The following NUP58 variants were observed in gnomAD, a reference collection of about 807,000 sequenced individuals.
The protein encoded by NUP58 is nucleoporin 58, also known as nucleoporin p58/p45.
NUP58 carries 17 observed loss-of-function variants against 70.1 expected under a neutral mutation model. The observed-to-expected ratio is 0.24, with a 90% confidence interval of 0.17 to 0.36. The LOEUF is 0.36. Ranked by LOEUF, NUP58 falls within the 10% of genes least tolerant of loss-of-function variation. NUP58 has a pLI of 1.00. For synonymous variants in NUP58, 275 were observed against 257.6 expected (o/e 1.07, Z -0.65); for missense variants, 644 against 701.5 (o/e 0.92, Z 0.93).
intron 13 of NUP58, chr13:25,332,007 C>G: frequency 9.9e-7 from 1 of 1,014,316 alleles, no homozygotes; most frequent in Non-Finnish European, 1.2e-6. Context: ...TACCCACATT[C>G]AGGATGAAGT....
chr13:25,302,694 G>A (rs1448728335), intron 1 of NUP58, among the ~76,000 whole-genome samples: 1 of 152,122 alleles, frequency 6.6e-6, no homozygotes, highest in African/African-American at 2.4e-5. Context: ...TAAGGAGTGT[G>A]CACACTGTCA....
chr13:25,318,905 A>G (rs568928255), intron 6 of NUP58, among the ~76,000 whole-genome samples: 2 of 152,316 alleles, frequency 1.3e-5, no homozygotes, highest in African/African-American at 4.8e-5. Flanking sequence ...CAGGAGTTAA[A>G]CTGGTAGGCA....
chr13:25,315,108 TG>T (rs2030865586), intron 5 of NUP58, among the ~76,000 whole-genome samples: 1 of 152,192 alleles, frequency 6.6e-6, no homozygotes, highest in Non-Finnish European at 1.5e-5. Context: ...GCCTACATAC[TG>T]AATTGATATA....
In NUP58 at chr13:25,308,241, A is replaced by G. The variant is rs376498542; in HGVS notation, c.250+293A>G. 4.8e-4 allele frequency: 110 copies of G among 227,860 alleles called. 1 individual carries two copies. Among genetic ancestry groups the G allele is most frequent in the South Asian group, 3.5e-3 (27 of 7,724 alleles). 14.1% of individuals were successfully genotyped at this position (227,860 alleles called of 1,614,324 possible). A position where few individuals can be genotyped will look rare whatever the true frequency, so the allele number is the denominator to read the frequency against. On this transcript the variant is annotated intron_variant, in intron 2 of 15. Transcript: ENST00000381736. The stretch of plus-strand genomic sequence containing the variant: ...GGAGATTGTGGTTTAAGCCAGCTTT[A>G]TCAATTTGGAACATTAACATACGTG...
At chr13:25,344,003 T>C (rs894374587), downstream of NUP58, among the ~76,000 whole-genome samples, 30 of 152,142 alleles carry the variant, frequency 2.0e-4, no homozygotes, top group African/African-American at 5.5e-4. Flanking sequence ...CTTCCCAAAA[T>C]GCTATACAAA....
intron 15 of NUP58, 132 bp from the exon 16 acceptor site, chr13:25,339,833 A>G: frequency 4.0e-6 from 3 of 740,750 alleles, no homozygotes; most frequent in Non-Finnish European, 6.4e-6. Flanking sequence ...TTAGAAATTT[A>G]GGGCTTTAAT....
chr13:25,303,114 C>T (rs2030114697), intron 1 of NUP58: 1 of 455,862 alleles, frequency 2.2e-6, no homozygotes. Flanking sequence ...GAAAACTACT[C>T]CAATCAACTT....
Position 25,340,918 on chromosome 13 carries a change from CAA to C in NUP58, c.*789_*790del, listed in dbSNP as rs914285311. 6.6e-6 allele frequency: 1 copy of C among 152,032 alleles called. No individual in the cohort carries two copies. Among genetic ancestry groups the C allele is most frequent in the African/African-American group, 2.4e-5 (1 of 41,350 alleles). The allele number at this position is 152,032 out of a possible 1,614,324, so 9.4% of individuals were successfully genotyped here. On this transcript the variant is annotated 3_prime_UTR_variant, in exon 16 of 16. Transcript: ENST00000381736. ...GGGCAACAAGAGCAAAACTCCGTCTCAAAAAAGATGAAAATAAAATAAAATAT... is the reference window on the plus strand; with the variant it reads ...GGGCAACAAGAGCAAAACTCCGTCTCAAAAGATGAAAATAAAATAAAATAT...
chr13:25,327,408 AT>A, intron 11 of NUP58, 21 bp from the exon 12 acceptor site: 4 of 1,458,538 alleles, frequency 2.7e-6, no homozygotes, highest in Non-Finnish European at 3.8e-6. Context: ...TATTTGGGTG[AT>A]AATGTAATTT....
chr13:25,333,791 C>G (rs1284983185), intron 13 of NUP58: 13 of 985,202 alleles, frequency 1.3e-5, no homozygotes, highest in African/African-American at 1.7e-5. Flanking sequence ...TTTTAAGTGC[C>G]AGTAACAAAT....
intron 15 of NUP58, 144 bp from the exon 16 acceptor site, chr13:25,339,821 T>C: frequency 1.5e-6 from 1 of 668,804 alleles, no homozygotes; most frequent in Middle Eastern, 3.4e-4. Context: ...TAAAATTTCA[T>C]GTTAGAAATT....
intron 13 of NUP58, chr13:25,335,413 C>T (rs1443964955): frequency 2.0e-6 from 2 of 985,138 alleles, no homozygotes; most frequent in East Asian, 1.1e-4. Context: ...CTGTGACAAA[C>T]AAGTCTCTCA....
intron 12 of NUP58, among the ~76,000 whole-genome samples, chr13:25,329,681 T>C (rs2031533771): frequency 6.6e-6 from 1 of 152,228 alleles, no homozygotes; most frequent in Non-Finnish European, 1.5e-5. Flanking sequence ...TTTGTTCGTT[T>C]TGTTTTTCAT....
chr13:25,327,844 C>A (rs773219540), intron 12 of NUP58, among the ~76,000 whole-genome samples: 5 of 151,952 alleles, frequency 3.3e-5, no homozygotes, highest in Non-Finnish European at 7.4e-5. Context: ...TTGTTTAACC[C>A]ATTTTCTGTT....
chr13:25,342,056 T>A lies in NUP58; in HGVS notation c.*1922T>A, dbSNP rs2031973940. On this transcript the variant is annotated 3_prime_UTR_variant, in exon 16 of 16. Coordinates refer to ENST00000381736, the MANE Select transcript of NUP58 (RefSeq NM_014089.4). ...CATTGATGCATTGAAATAAGGAAAA[T>A]TATTTATCTCTGAGCACTAAACTTA... 1 of 148,038 alleles carries A rather than the reference T, an allele frequency of 6.8e-6. No individual in the cohort carries two copies. The highest frequency in any genetic ancestry group is 1.5e-5 in the Non-Finnish European group (1 of 67,990). The allele number at this position is 148,038 out of a possible 1,614,324, so 9.2% of individuals were successfully genotyped here. A position where few individuals can be genotyped will look rare whatever the true frequency, so the allele number is the denominator to read the frequency against.
chr13:25,332,726 G>A (rs2137818416), intron 13 of NUP58: 1 of 985,476 alleles, frequency 1.0e-6, no homozygotes. Context: ...GGACCCATGT[G>A]AATAGTGGCT....
chr13:25,309,265 C>T lies in NUP58; in HGVS notation c.269C>T (p.Thr90Ile). The change falls in exon 3 of 16, where the codon ACT becomes ATT. Residue 90 changes from threonine to isoleucine, a missense_variant. Thr to Ile is a moderately conservative substitution (Grantham distance 89). Coordinates refer to ENST00000381736, the MANE Select transcript of NUP58 (RefSeq NM_014089.4). The part of the protein sequence containing the change: ...GTNTGIATTI[T>I]TGLTLGTPAT... ...TCCCCAGGAATAGCAACAACTATAACTACAGGATTAACTCTGGGTAAGAAT... is the reference window on the plus strand; with the variant it reads ...TCCCCAGGAATAGCAACAACTATAATTACAGGATTAACTCTGGGTAAGAAT... 3.1e-6 allele frequency: 5 copies of T among 1,607,096 alleles called. No homozygotes were observed. Among genetic ancestry groups the T allele is most frequent in the Non-Finnish European group, 2.6e-6 (3 of 1,174,334 alleles).
intron 13 of NUP58, chr13:25,335,193 C>G: frequency 1.0e-6 from 1 of 984,978 alleles, no homozygotes; most frequent in Non-Finnish European, 1.2e-6. Flanking sequence ...ATCTGATGTG[C>G]AATGGAAAGT....
chr13:25,326,687 A>G (rs2031407938), intron 10 of NUP58, among the ~76,000 whole-genome samples: 1 of 152,144 alleles, frequency 6.6e-6, no homozygotes, highest in Admixed American at 6.5e-5. Flanking sequence ...CTGAAATTCA[A>G]CCAGTTTTTC....
Sources: gnomAD v4.1 joint callset for allele counts (sites outside exome capture counted in the v4.1 genomes callset) on GRCh38, gnomAD v4.1.1 for gene constraint, MANE v1.5 for transcripts, NCBI Gene and HGNC (gene_info 2026-07-23, HGNC 2026-07-21) for gene names.